EXOC4: variants seen among roughly 807,000 people sequenced by gnomAD.
EXOC4 encodes the protein SEC8-like 1.
EXOC4 carries 71 observed loss-of-function variants against 107.2 expected under a neutral mutation model. The ratio of observed to expected loss-of-function variants is 0.66; its 90% confidence interval spans 0.55 to 0.81. The LOEUF (loss-of-function observed/expected upper bound fraction) is 0.81. EXOC4 is among the 30% of genes least tolerant of loss of function. The probability of loss-of-function intolerance (pLI) is 0.00; values close to 1 mark genes in which losing one functional copy is unlikely to be tolerated. For synonymous variants in EXOC4, 456 were observed against 441.2 expected, an observed-to-expected ratio of 1.03 and a Z score of -0.42; for missense variants, 1,108 against 1,189.6, an observed-to-expected ratio of 0.93 and a Z score of 1.01.
At chr7:133,268,701 TG>T (rs1169137594) in intron 1 of EXOC4, among the ~76,000 whole-genome samples, 6 of 152,220 alleles carry the variant, frequency 3.9e-5, no homozygotes, top group Non-Finnish European at 8.8e-5. Context: ...TGGGTTTTAA[TG>T]CTTGTTTATG....
chr7:133,762,647 A>G (rs943222284), intron 10 of EXOC4, among the ~76,000 whole-genome samples: 8 of 152,140 alleles, frequency 5.3e-5, no homozygotes, highest in African/African-American at 1.7e-4. Flanking sequence ...CTAAATAGCA[A>G]TAGGGAACGT....
chr7:133,451,079 A>G (rs777549457), intron 7 of EXOC4, among the ~76,000 whole-genome samples: 2 of 152,198 alleles, frequency 1.3e-5, no homozygotes, highest in Non-Finnish European at 2.9e-5. Context: ...AAGTAAGCAG[A>G]TTACTTTCCT....
intron 14 of EXOC4, among the ~76,000 whole-genome samples, chr7:133,939,963 G>A (rs1019842085): frequency 1.3e-5 from 2 of 152,194 alleles, no homozygotes; most frequent in Non-Finnish European, 2.9e-5. Flanking sequence ...TGCAAAATGA[G>A]CAGCTCTAAA....
At chr7:133,816,495 C>T (rs1286094635) in intron 10 of EXOC4, among the ~76,000 whole-genome samples, 1 of 152,156 alleles carries the variant, frequency 6.6e-6, no homozygotes, top group Non-Finnish European at 1.5e-5. Context: ...CTCCAACTCC[C>T]ATCCCATTCC....
intron 7 of EXOC4, among the ~76,000 whole-genome samples, chr7:133,377,862 A>C (rs1355603255): frequency 6.6e-6 from 1 of 152,250 alleles, no homozygotes; most frequent in African/African-American, 2.4e-5. Context: ...AATGTATGTC[A>C]ATCTAAGAAT....
At chr7:133,645,872 G>C (rs1462645352) in intron 10 of EXOC4, among the ~76,000 whole-genome samples, 2 of 152,158 alleles carry the variant, frequency 1.3e-5, no homozygotes, top group East Asian at 1.9e-4. Flanking sequence ...TTTTATTTAG[G>C]TAATTGTAAA....
At chr7:133,529,855 C>G (rs1329748331) in intron 9 of EXOC4, among the ~76,000 whole-genome samples, 1 of 152,114 alleles carries the variant, frequency 6.6e-6, no homozygotes, top group Non-Finnish European at 1.5e-5. Context: ...TCAGGCTTTA[C>G]AAATGAAATA....
intron 10 of EXOC4, among the ~76,000 whole-genome samples, chr7:133,732,331 G>A (rs1031255552): frequency 2.6e-5 from 4 of 152,130 alleles, no homozygotes; most frequent in Non-Finnish European, 4.4e-5. Context: ...CTAAGCATGC[G>A]GGGCTTAATA....
the EXOC4 span, among the ~76,000 whole-genome samples, chr7:134,097,509 G>A: frequency 1.6e-3 from 238 of 152,294 alleles, no homozygotes; most frequent in African/African-American, 5.4e-3. Flanking sequence ...AAGCAAGGCT[G>A]TTTTACCCTG....
intron 17 of EXOC4, among the ~76,000 whole-genome samples, chr7:134,039,333 C>T (rs1795462784): frequency 6.6e-6 from 1 of 151,976 alleles, no homozygotes; most frequent in South Asian, 2.1e-4. Flanking sequence ...CCATAAACCC[C>T]CAAAATTATA....
chr7:133,655,889 G>T (rs771758512), intron 10 of EXOC4, among the ~76,000 whole-genome samples: 1 of 152,164 alleles, frequency 6.6e-6, no homozygotes, highest in Non-Finnish European at 1.5e-5. Context: ...TTTGTTATTC[G>T]TATCTGGTAT....
At chr7:133,906,671 G>A (rs1799572911) in intron 12 of EXOC4, among the ~76,000 whole-genome samples, 1 of 152,276 alleles carries the variant, frequency 6.6e-6, no homozygotes, top group South Asian at 2.1e-4. Flanking sequence ...GGCTCGAGCT[G>A]AGCTTTCGCT....
In EXOC4 at chr7:134,022,265, C is replaced by T. The variant is rs568190338; in HGVS notation, c.2687+14430C>T. Among the ~76,000 whole-genome samples, 5 of 152,036 alleles carry T rather than the reference C, an allele frequency of 3.3e-5. No homozygotes were observed. In the South Asian group the frequency reaches 8.3e-4, roughly 25 times the overall value. On this transcript the variant is annotated intron_variant, in intron 17 of 17. Transcript: ENST00000253861. ...TTCAGAAGTTTTGCTTTTTTCATTT[C>T]TTGGTGCATAGTTCTCCAGGGATAT...
chr7:133,282,503 A>G (rs1245798043), intron 2 of EXOC4, among the ~76,000 whole-genome samples: 3 of 152,230 alleles, frequency 2.0e-5, no homozygotes, highest in Non-Finnish European at 2.9e-5. Context: ...TGAAATGAAA[A>G]TACTGTCATC....
intron 10 of EXOC4, among the ~76,000 whole-genome samples, chr7:133,721,630 T>C (rs1342087934): frequency 6.6e-6 from 1 of 152,194 alleles, no homozygotes; most frequent in Non-Finnish European, 1.5e-5. Context: ...TTTTCATGAC[T>C]TCCTAATAAA....
At chr7:133,947,746 C>G (rs1800588992) in intron 14 of EXOC4, among the ~76,000 whole-genome samples, 5 of 152,266 alleles carry the variant, frequency 3.3e-5, no homozygotes, top group Middle Eastern at 3.4e-3. Flanking sequence ...AGTACTTGCC[C>G]ATAAAAAATT....
intron 9 of EXOC4, among the ~76,000 whole-genome samples, chr7:133,610,526 T>A (rs181342192): frequency 2.6e-5 from 4 of 152,316 alleles, no homozygotes; most frequent in Admixed American, 1.3e-4. Context: ...TTTAACTCCT[T>A]TTTCATCATG....
At chr7:134,060,559 C>A (rs957125104) in intron 17 of EXOC4, among the ~76,000 whole-genome samples, 1 of 152,208 alleles carries the variant, frequency 6.6e-6, no homozygotes, top group Non-Finnish European at 1.5e-5. Context: ...TTTCAATTTC[C>A]TGGGGCCTCA....
chr7:133,565,583 A>G (rs1800892306), intron 9 of EXOC4, among the ~76,000 whole-genome samples: 1 of 152,188 alleles, frequency 6.6e-6, no homozygotes, highest in African/African-American at 2.4e-5. Flanking sequence ...CAGATGCCCA[A>G]TTAAGTTTGA....
Sources: allele counts gnomAD v4.1 joint callset (sites outside exome capture counted in the v4.1 genomes callset), GRCh38; gene constraint gnomAD v4.1.1; transcripts MANE v1.5; gene names NCBI Gene and HGNC (gene_info 2026-07-23, HGNC 2026-07-21).